Variants in NXPE2 observed in about 807,000 individuals in gnomAD.
NXPE2 encodes neurexophilin and PC-esterase domain family member 2, also known as NXPE family member 2.
A neutral mutation model predicts 34.4 loss-of-function variants in NXPE2; 34 were observed. The ratio of observed to expected loss-of-function variants is 0.99; its 90% confidence interval spans 0.75 to 1.31. The LOEUF is 1.31. Ranked by LOEUF, NXPE2 falls within the 40% of genes most tolerant of loss-of-function variation. The pLI, the probability that NXPE2 is intolerant of heterozygous loss-of-function variation, is 0.00. For synonymous variants in NXPE2, 235 were observed against 231.3 expected (o/e 1.02, Z -0.15); for missense variants, 649 against 672.5 (o/e 0.97, Z 0.39).
the NXPE2 span, among the ~76,000 whole-genome samples, chr11:114,470,279 C>T: frequency 6.6e-6 from 1 of 152,034 alleles, no homozygotes; most frequent in Non-Finnish European, 1.5e-5. Context: ...AAACTGTTTA[C>T]TAAAGTTATT....
At chr11:114,509,933 A>G in the NXPE2 span, among the ~76,000 whole-genome samples, 1 of 152,210 alleles carries the variant, frequency 6.6e-6, no homozygotes, top group Non-Finnish European at 1.5e-5. Flanking sequence ...ATGAAAGTTA[A>G]AAAAGAGTAA....
At chr11:114,696,763 C>T (rs78885872) in intron 2 of NXPE2, among the ~76,000 whole-genome samples, 4,228 of 152,198 alleles carry the variant, frequency 0.028, 200 homozygotes, top group African/African-American at 0.097. Flanking sequence ...GGTTGAATGA[C>T]GGCCCCCTAA....
At chr11:114,631,986 T>C in the NXPE2 span, among the ~76,000 whole-genome samples, 11 of 149,120 alleles carry the variant, frequency 7.4e-5, no homozygotes, top group Non-Finnish European at 1.6e-4. Flanking sequence ...AAATATTGCC[T>C]CATAGGTAAC....
chr11:114,645,226 G>A, the NXPE2 span, among the ~76,000 whole-genome samples: 2 of 151,990 alleles, frequency 1.3e-5, no homozygotes, highest in African/African-American at 4.8e-5. Context: ...ACTTGAACCC[G>A]AGAGGCAGAA....
At chr11:114,795,720 A>G in the NXPE2 span, among the ~76,000 whole-genome samples, 3 of 152,048 alleles carry the variant, frequency 2.0e-5, no homozygotes, top group South Asian at 2.1e-4. Flanking sequence ...AAATTGTTCT[A>G]TCTATCTCTG....
chr11:114,642,928 G>T, the NXPE2 span, among the ~76,000 whole-genome samples: 29 of 152,182 alleles, frequency 1.9e-4, no homozygotes, highest in Admixed American at 9.8e-4. Context: ...AGCATCGGAT[G>T]TTTCCTGACA....
chr11:114,539,857 A>G, the NXPE2 span, among the ~76,000 whole-genome samples: 1 of 152,230 alleles, frequency 6.6e-6, no homozygotes, highest in Non-Finnish European at 1.5e-5. Context: ...TCAGAAAATT[A>G]TATTTCGTAA....
At chr11:114,633,133 C>T in the NXPE2 span, among the ~76,000 whole-genome samples, 6 of 116,142 alleles carry the variant, frequency 5.2e-5, no homozygotes, top group African/African-American at 1.4e-4. Context: ...ATTTATATTT[C>T]ATATATTATT....
chr11:114,594,674 T>C, the NXPE2 span: 1 of 1,596,490 alleles, frequency 6.3e-7, no homozygotes, highest in Non-Finnish European at 8.6e-7. Flanking sequence ...CTTTGTGGAG[T>C]TCTGGAAAAC....
At chr11:114,569,825 CA>C in the NXPE2 span, among the ~76,000 whole-genome samples, 1 of 152,274 alleles carries the variant, frequency 6.6e-6, no homozygotes, top group South Asian at 2.1e-4. Context: ...AAAGCTGCTG[CA>C]AAGTGTGACC....
the NXPE2 span, among the ~76,000 whole-genome samples, chr11:114,501,462 A>T: frequency 6.6e-6 from 1 of 152,190 alleles, no homozygotes; most frequent in Non-Finnish European, 1.5e-5. Flanking sequence ...AAATCACCAC[A>T]AATCTCAGGT....
the NXPE2 span, among the ~76,000 whole-genome samples, chr11:114,633,610 CA>C: frequency 2.1e-4 from 31 of 151,048 alleles, no homozygotes; most frequent in African/African-American, 1.2e-4. Flanking sequence ...CTATCCCTCC[CA>C]CCCTGCCCCC....
chr11:114,488,043 C>A, the NXPE2 span, among the ~76,000 whole-genome samples: 1 of 152,036 alleles, frequency 6.6e-6, no homozygotes, highest in African/African-American at 2.4e-5. Context: ...AGTATTCTAA[C>A]CTCCTTTATT....
chr11:114,541,164 C>T, the NXPE2 span, among the ~76,000 whole-genome samples: 2 of 151,984 alleles, frequency 1.3e-5, no homozygotes, highest in East Asian at 1.9e-4. Flanking sequence ...GCAAAAACAT[C>T]GACACTATTC....
chr11:114,620,092 G>T, the NXPE2 span, among the ~76,000 whole-genome samples: 1 of 152,214 alleles, frequency 6.6e-6, no homozygotes, highest in East Asian at 1.9e-4. Context: ...TGCCTCTTGG[G>T]TAACCACTGT....
At chr11:114,573,954 G>T in the NXPE2 span, among the ~76,000 whole-genome samples, 1 of 151,952 alleles carries the variant, frequency 6.6e-6, no homozygotes, top group Non-Finnish European at 1.5e-5. Flanking sequence ...TAGAGCATAT[G>T]ATAGGCCACA....
chr11:114,486,155 T>G, the NXPE2 span, among the ~76,000 whole-genome samples: 93,451 of 152,012 alleles, frequency 0.61, 30,351 homozygotes, highest in African/African-American at 0.84. Context: ...ACCAGCATTT[T>G]TTATTGCCTG....
chr11:114,805,737 C>A, the NXPE2 span, among the ~76,000 whole-genome samples: 1 of 152,310 alleles, frequency 6.6e-6, no homozygotes, highest in East Asian at 1.9e-4. Flanking sequence ...TCAAGGAGGC[C>A]TGCCTGCCTC....
chr11:114,745,065 A>G, the NXPE2 span, among the ~76,000 whole-genome samples: 32,113 of 152,176 alleles, frequency 0.21, 3,989 homozygotes, highest in South Asian at 0.29. Flanking sequence ...AAATGCAAAC[A>G]AGAATAATAA....
Sources: gnomAD v4.1 joint callset for allele counts (sites outside exome capture counted in the v4.1 genomes callset) on GRCh38, gnomAD v4.1.1 for gene constraint, MANE v1.5 for transcripts, NCBI Gene and HGNC (gene_info 2026-07-23, HGNC 2026-07-21) for gene names.